The following SEM1 variants were observed in gnomAD, a reference collection of about 807,000 sequenced individuals.
SEM1 encodes 26S proteasome complex subunit SEM1.
In SEM1, 3 loss-of-function variants were observed where a neutral mutation model predicts 12.7. The ratio of observed to expected loss-of-function variants is 0.24; its 90% confidence interval spans 0.11 to 0.61. The LOEUF (loss-of-function observed/expected upper bound fraction) is 0.61. Ranked by LOEUF, SEM1 falls within the 20% of genes least tolerant of loss-of-function variation. SEM1 has a pLI of 0.88. For synonymous variants in SEM1, 30 were observed against 27.8 expected, an observed-to-expected ratio of 1.08 and a Z score of -0.25; for missense variants, 59 against 81.3, an observed-to-expected ratio of 0.73 and a Z score of 1.06.
At chr7:96,618,133 G>A (rs575460223), downstream of SEM1, among the ~76,000 whole-genome samples, 1 of 152,244 alleles carries the variant, frequency 6.6e-6, no homozygotes, top group African/African-American at 2.4e-5. Context: ...ATAGAATTCA[G>A]CTGTGAATCC....
chr7:96,505,829 TC>T (rs1227370972), intron 3 of SEM1, among the ~76,000 whole-genome samples: 4 of 152,018 alleles, frequency 2.6e-5, no homozygotes, highest in Non-Finnish European at 5.9e-5. Flanking sequence ...CTTAACACCA[TC>T]ACCTTGGGAA....
At chr7:96,706,612 A>G (rs1790475914) in intron 1 of SEM1, among the ~76,000 whole-genome samples, 1 of 151,524 alleles carries the variant, frequency 6.6e-6, no homozygotes, top group African/African-American at 2.4e-5. Context: ...GAGAAGAAAC[A>G]ATAAAAATTC....
intron 2 of SEM1, among the ~76,000 whole-genome samples, chr7:96,516,234 A>C (rs1411682830): frequency 6.6e-6 from 1 of 152,174 alleles, no homozygotes; most frequent in Non-Finnish European, 1.5e-5. Flanking sequence ...AGAACTGATA[A>C]GTTGGACTTC....
chr7:96,665,551 C>T (rs923750443), intron 2 of SEM1, among the ~76,000 whole-genome samples: 7 of 152,068 alleles, frequency 4.6e-5, no homozygotes, highest in Non-Finnish European at 8.8e-5. Context: ...TAAGGCTTGG[C>T]GATAGTTATT....
intron 2 of SEM1, among the ~76,000 whole-genome samples, chr7:96,547,739 G>A (rs1306289535): frequency 6.6e-6 from 1 of 152,106 alleles, no homozygotes; most frequent in East Asian, 1.9e-4. Flanking sequence ...CTGCTGATGT[G>A]ATGATAGGAG....
chr7:96,630,305 A>G (rs1808208046), intron 2 of SEM1, among the ~76,000 whole-genome samples: 1 of 152,104 alleles, frequency 6.6e-6, no homozygotes, highest in African/African-American at 2.4e-5. Flanking sequence ...TCTACGTGGT[A>G]TTCTAGTGTG....
At chr7:96,609,770 G>T (rs1221659997) in intron 2 of SEM1, among the ~76,000 whole-genome samples, 1 of 152,166 alleles carries the variant, frequency 6.6e-6, no homozygotes, top group Non-Finnish European at 1.5e-5. Context: ...ATGAGGAAAG[G>T]GATAGAGACA....
At chr7:96,579,720 C>T (rs1471157409) in intron 2 of SEM1, among the ~76,000 whole-genome samples, 1 of 152,074 alleles carries the variant, frequency 6.6e-6, no homozygotes, top group African/African-American at 2.4e-5. Flanking sequence ...TAAAGTGTTT[C>T]ATTTTGTATC....
At chr7:96,543,995 A>G (rs1203439735) in intron 2 of SEM1, among the ~76,000 whole-genome samples, 1 of 152,032 alleles carries the variant, frequency 6.6e-6, no homozygotes, top group Non-Finnish European at 1.5e-5. Flanking sequence ...GTGTCCCACA[A>G]ATTATATAGC....
At chr7:96,653,540 G>A (rs531695798) in intron 2 of SEM1, among the ~76,000 whole-genome samples, 1 of 152,340 alleles carries the variant, frequency 6.6e-6, no homozygotes, top group African/African-American at 2.4e-5. Context: ...CCAGCAATGG[G>A]AAGAGGAATG....
At chr7:96,543,975 C>T (rs1805029874) in intron 2 of SEM1, among the ~76,000 whole-genome samples, 2 of 152,014 alleles carry the variant, frequency 1.3e-5, no homozygotes, top group Non-Finnish European at 2.9e-5. Context: ...TTCTTAATTT[C>T]TAAGCAGGAG....
At chr7:96,621,215 T>C (rs1049508952), downstream of SEM1, among the ~76,000 whole-genome samples, 1 of 152,184 alleles carries the variant, frequency 6.6e-6, no homozygotes, top group African/African-American at 2.4e-5. Flanking sequence ...TCTTTAATGA[T>C]AATAAGCACA....
Position 96,605,804 on chromosome 7 carries a change from T to G in SEM1, c.170+88994A>C, listed in dbSNP as rs546009030. On this transcript the variant is annotated intron_variant and NMD_transcript_variant, in intron 2 of 3. Transcript: ENST00000466986. ...TATGGTCAACCCCCATCCAAAAATA[T>G]TAAATAGAAAATTATAGAAATACAC... 2.3e-4 allele frequency among the ~76,000 whole-genome samples: 35 copies of G among 152,316 alleles called. No individual in the cohort carries two copies. In the South Asian group the frequency reaches 5.2e-3, roughly 23 times the overall value.
rs976984310 is a variant in SEM1, at chr7:96,679,962, G to A, written c.171-6103C>T. Reference sequence around the variant, plus strand: ...GAAAGCTCCACTTTCAGCTGCCAGCGACTGTAATTCTGTCTGAATACTTTC... The same window carrying A: ...GAAAGCTCCACTTTCAGCTGCCAGCAACTGTAATTCTGTCTGAATACTTTC... On this transcript the variant is annotated intron_variant, in intron 2 of 2. Coordinates refer to the SEM1 transcript ENST00000413065. 2.6e-5 allele frequency among the ~76,000 whole-genome samples: 4 copies of A among 152,034 alleles called. No homozygotes were observed. In the South Asian group the frequency reaches 6.2e-4, roughly 24 times the overall value.
At position 96,703,790 on chromosome 7, in the gene SEM1, T is replaced by G. The variant is rs562568492; in HGVS notation, c.76+5898A>C. ...ACGAGACCAAATCTCCACAAAAAAT[T>G]TGAAAGAACAAATTAGGTGAGATGG... On this transcript the variant is annotated intron_variant, in intron 1 of 2. Coordinates refer to ENST00000248566, the MANE Select transcript of SEM1 (RefSeq NM_006304.2). Among the ~76,000 whole-genome samples the G allele has an allele frequency of 5.3e-5, 8 of 151,810 alleles. No homozygotes were observed. In the East Asian group the frequency reaches 1.6e-3, roughly 29 times the overall value.
At chr7:96,612,851 G>T (rs1375460077) in intron 2 of SEM1, among the ~76,000 whole-genome samples, 1 of 152,148 alleles carries the variant, frequency 6.6e-6, no homozygotes, top group Non-Finnish European at 1.5e-5. Flanking sequence ...TAGCCAGGAT[G>T]GTCTCGATCT....
chr7:96,625,113 G>A lies in SEM1; in HGVS notation c.171-2470C>T, dbSNP rs1446718364. On this transcript the variant is annotated intron_variant, in intron 2 of 2. Coordinates refer to the SEM1 transcript ENST00000417009. ...GGAGTGTTAAAGGAGGCTCAGGTGT[G>A]ATTTTGCCATTAGGGAATCCCATTG... Among the ~76,000 whole-genome samples, 4 of 152,144 alleles carry A rather than the reference G, an allele frequency of 2.6e-5. No individual in the cohort carries two copies. In the East Asian group the frequency reaches 7.7e-4, roughly 29 times the overall value.
At chr7:96,668,645 G>A (rs554274109), downstream of SEM1, among the ~76,000 whole-genome samples, 2 of 152,136 alleles carry the variant, frequency 1.3e-5, no homozygotes, top group South Asian at 2.1e-4. Context: ...GGTTTGTCTT[G>A]GTTCTTCCAC....
intron 2 of SEM1, among the ~76,000 whole-genome samples, chr7:96,658,112 C>T (rs1430232698): frequency 6.6e-6 from 1 of 152,138 alleles, no homozygotes; most frequent in Non-Finnish European, 1.5e-5. Flanking sequence ...AATTAGGTTA[C>T]TTAGGCCGAT....
Sources: gnomAD v4.1 joint callset for allele counts (sites outside exome capture counted in the v4.1 genomes callset) on GRCh38, gnomAD v4.1.1 for gene constraint, MANE v1.5 for transcripts, NCBI Gene and HGNC (gene_info 2026-07-23, HGNC 2026-07-21) for gene names.